Variants in DOK6 observed in about 807,000 individuals in gnomAD.
DOK6 encodes downstream of tyrosine kinase 6.
In DOK6, 22 loss-of-function variants were observed where a neutral mutation model predicts 44.0. The ratio of observed to expected loss-of-function variants is 0.50; its 90% confidence interval spans 0.36 to 0.71. DOK6 has a LOEUF of 0.71. DOK6 is among the 30% of genes least tolerant of loss of function. The pLI is 0.00. For missense variants in DOK6, 340 were observed against 416.4 expected, an observed-to-expected ratio of 0.82 and a Z score of 1.60; for synonymous variants, 166 against 145.5, an observed-to-expected ratio of 1.14 and a Z score of -1.01.
chr18:69,494,960 C>T (rs1980840615), intron 1 of DOK6, among the ~76,000 whole-genome samples: 1 of 152,202 alleles, frequency 6.6e-6, no homozygotes, highest in African/African-American at 2.4e-5. Flanking sequence ...GCCTGGATCC[C>T]ACACCTGCCA....
At chr18:69,736,256 A>G (rs1208865342) in intron 5 of DOK6, among the ~76,000 whole-genome samples, 1 of 152,194 alleles carries the variant, frequency 6.6e-6, no homozygotes, top group African/African-American at 2.4e-5. Context: ...TGTGGTTGAA[A>G]TCGGTGCCCT....
chr18:69,635,476 G>A (rs1378786243), intron 3 of DOK6, among the ~76,000 whole-genome samples: 2 of 152,112 alleles, frequency 1.3e-5, no homozygotes, highest in Non-Finnish European at 2.9e-5. Context: ...TACCACTTAT[G>A]CCTTTGCTTC....
At chr18:69,415,299 G>T (rs1978324678) in intron 1 of DOK6, among the ~76,000 whole-genome samples, 1 of 152,076 alleles carries the variant, frequency 6.6e-6, no homozygotes, top group South Asian at 2.1e-4. Context: ...GAAAATGGTA[G>T]CAACTGTTCA....
At chr18:69,630,581 A>T (rs1406811518) in intron 3 of DOK6, among the ~76,000 whole-genome samples, 2 of 152,244 alleles carry the variant, frequency 1.3e-5, no homozygotes. Flanking sequence ...CTGTTACCAT[A>T]TAAAGTGCTA....
At chr18:69,503,961 A>G (rs1194805644) in intron 1 of DOK6, among the ~76,000 whole-genome samples, 1 of 152,084 alleles carries the variant, frequency 6.6e-6, no homozygotes, top group African/African-American at 2.4e-5. Flanking sequence ...TTTGCAAATT[A>G]AAGAACTATC....
In DOK6 at chr18:69,762,145, GCATGCATACATA is replaced by G. The variant is rs1328210419; in HGVS notation, c.856+4276_856+4287del. On this transcript the variant is annotated intron_variant, in intron 7 of 7. Coordinates refer to ENST00000382713, the MANE Select transcript of DOK6 (RefSeq NM_152721.6). ...GGCAATATAGTGAGACTCCATCTCT[GCATGCATACATA>G]CATACATACATACATACATACATAC... 1.6e-3 allele frequency among the ~76,000 whole-genome samples: 178 copies of G among 109,054 alleles called. 1 individual carries two copies. Among genetic ancestry groups the G allele is most frequent in the African/African-American group, 4.3e-3 (127 of 29,708 alleles). 71.5% of individuals were successfully genotyped at this position (109,054 alleles called of 152,430 possible).
At chr18:69,745,543 G>C (rs1978957560) in intron 6 of DOK6, among the ~76,000 whole-genome samples, 1 of 152,166 alleles carries the variant, frequency 6.6e-6, no homozygotes, top group Non-Finnish European at 1.5e-5. Context: ...GATAATGAAG[G>C]CCACATCCAG....
intron 4 of DOK6, among the ~76,000 whole-genome samples, chr18:69,696,866 T>C (rs1044289179): frequency 5.6e-4 from 85 of 152,334 alleles, no homozygotes; most frequent in Middle Eastern, 3.4e-3. Flanking sequence ...ATTGGGAATA[T>C]GTATATATTT....
chr18:69,723,516 T>C (rs1441391566), intron 5 of DOK6, among the ~76,000 whole-genome samples: 7 of 152,148 alleles, frequency 4.6e-5, no homozygotes. Context: ...AGGGGTATTG[T>C]GGGTCACAGT....
chr18:69,627,446 TTTTA>T (rs926645746), intron 3 of DOK6, among the ~76,000 whole-genome samples: 8 of 152,036 alleles, frequency 5.3e-5, no homozygotes, highest in Admixed American at 2.6e-4. Flanking sequence ...CTTATTTTTA[TTTTA>T]TTTATTTATT....
At chr18:69,788,469 T>A (rs966008579) in intron 7 of DOK6, among the ~76,000 whole-genome samples, 1 of 152,314 alleles carries the variant, frequency 6.6e-6, no homozygotes. Context: ...ATTTTTATTA[T>A]GCAGAATGGA....
chr18:69,496,451 C>G (rs148631570), intron 1 of DOK6, among the ~76,000 whole-genome samples: 395 of 152,358 alleles, frequency 2.6e-3, no homozygotes, highest in African/African-American at 8.8e-3. Flanking sequence ...GTGATGGCAG[C>G]CGTGGCTCCA....
chr18:69,725,241 C>T (rs567930942), intron 5 of DOK6, among the ~76,000 whole-genome samples: 11 of 152,266 alleles, frequency 7.2e-5, no homozygotes, highest in South Asian at 2.1e-4. Context: ...GATCACCACC[C>T]GTCAGCCTGC....
At chr18:69,526,068 G>A (rs963337564) in intron 1 of DOK6, among the ~76,000 whole-genome samples, 23 of 151,758 alleles carry the variant, frequency 1.5e-4, no homozygotes, top group African/African-American at 3.9e-4. Flanking sequence ...TTGTTATTAC[G>A]GCTTTATTAA....
At chr18:69,422,243 T>A (rs528636069) in intron 1 of DOK6, among the ~76,000 whole-genome samples, 15 of 152,312 alleles carry the variant, frequency 9.8e-5, no homozygotes, top group African/African-American at 3.6e-4. Context: ...TTTAAAAAAA[T>A]CTTATCCTCT....
rs373115147 is a variant in DOK6 at position 69,666,068 on chromosome 18, G to A, written c.290-11666G>A. Among the ~76,000 whole-genome samples the A allele has an allele frequency of 2.0e-5, 3 of 152,266 alleles. No individual in the cohort carries two copies. The South Asian group carries it at 6.2e-4, about 32-fold the overall frequency. On this transcript the variant is annotated intron_variant, in intron 3 of 7. Coordinates refer to ENST00000382713, the MANE Select transcript of DOK6 (RefSeq NM_152721.6). ...TTTATTGGTATTGACTTGGAGTTGC[G>A]AAGCAGTTGCCTTTTTCAACCTCGA...
At chr18:69,769,494 T>A (rs1979824504) in intron 7 of DOK6, among the ~76,000 whole-genome samples, 1 of 152,116 alleles carries the variant, frequency 6.6e-6, no homozygotes, top group South Asian at 2.1e-4. Context: ...TGAGATTGAT[T>A]TACCATTTAT....
chr18:69,485,882 T>TGA (rs1491331514), intron 1 of DOK6, among the ~76,000 whole-genome samples: 16 of 9,614 alleles, frequency 1.7e-3, no homozygotes, highest in African/African-American at 5.1e-3. Context: ...TACGTATATA[T>TGA]GTGTGTGTGT....
At chr18:69,454,822 C>T (rs1394579376) in intron 1 of DOK6, among the ~76,000 whole-genome samples, 3 of 144,938 alleles carry the variant, frequency 2.1e-5, no homozygotes, top group Non-Finnish European at 4.5e-5. Context: ...AAAAACCAAA[C>T]ACCGCATATT....
Sources: allele counts gnomAD v4.1 joint callset (sites outside exome capture counted in the v4.1 genomes callset), GRCh38; gene constraint gnomAD v4.1.1; transcripts MANE v1.5; gene names NCBI Gene and HGNC (gene_info 2026-07-23, HGNC 2026-07-21).